ERGIC2: variants seen among roughly 807,000 people sequenced by gnomAD.
The protein encoded by ERGIC2 is ERGIC and golgi 2.
In ERGIC2, 31 loss-of-function variants were observed where a neutral mutation model predicts 52.5. The observed-to-expected ratio is 0.59, with a 90% CI of 0.44 to 0.80. The LOEUF is 0.80. ERGIC2 is among the 30% of genes least tolerant of loss of function. ERGIC2 has a pLI of 0.00. For missense variants in ERGIC2, 395 were observed against 455.2 expected (o/e 0.87, Z 1.20); for synonymous variants, 129 against 140.6 (o/e 0.92, Z 0.58).
intron 3 of ERGIC2, among the ~76,000 whole-genome samples, chr12:29,369,543 G>A (rs1039718416): frequency 6.6e-6 from 1 of 151,890 alleles, no homozygotes; most frequent in African/African-American, 2.4e-5. Context: ...GGCAAACCTG[G>A]ATTGTAATTG....
At chr12:29,361,855 A>T (rs545938996) in intron 5 of ERGIC2, among the ~76,000 whole-genome samples, 170 bp from the exon 6 acceptor site, 1 of 152,332 alleles carries the variant, frequency 6.6e-6, no homozygotes, top group African/African-American at 2.4e-5. Context: ...TTAATGTGCT[A>T]TCTTTACTGA....
At chr12:29,375,403 A>C (rs554940934) in intron 1 of ERGIC2, among the ~76,000 whole-genome samples, 2 of 152,302 alleles carry the variant, frequency 1.3e-5, no homozygotes, top group African/African-American at 4.8e-5. Context: ...TCCCAGAAAC[A>C]CCACAGTAGC....
At chr12:29,353,108 A>G (rs1165853473) in intron 8 of ERGIC2, among the ~76,000 whole-genome samples, 1 of 152,230 alleles carries the variant, frequency 6.6e-6, no homozygotes, top group Non-Finnish European at 1.5e-5. Flanking sequence ...TTACCTAGCA[A>G]AACACCAGGC....
chr12:29,343,250 A>G lies in ERGIC2; in HGVS notation c.858T>C (p.His286=), dbSNP rs1477871002. 2 of 1,605,874 alleles carry G rather than the reference A, an allele frequency of 1.2e-6. No homozygotes were observed. Among genetic ancestry groups the G allele is most frequent in the Admixed American group, 3.4e-5 (2 of 59,290 alleles). The change falls in exon 12 of 14, where the codon CAT becomes CAC. Residue 286 remains histidine (H), a synonymous_variant. Transcript: ENST00000360150. ...ERIINHAAGS[H]GVSGIFMKYD... is the part of the protein sequence containing the mutation. ...ATTTCATAAATATCCCAGAGACTCC[A>G]TGGCTGCCTGCAGCATGGTTAATGA...
intron 8 of ERGIC2, among the ~76,000 whole-genome samples, chr12:29,355,464 A>T (rs1187792026): frequency 2.0e-5 from 3 of 152,212 alleles, no homozygotes; most frequent in Admixed American, 6.5e-5. Context: ...AATGTCTTGT[A>T]CAATAAAGAA....
At chr12:29,376,754 A>C (rs1940520673) in intron 1 of ERGIC2, among the ~76,000 whole-genome samples, 1 of 152,166 alleles carries the variant, frequency 6.6e-6, no homozygotes, top group Admixed American at 6.5e-5. Context: ...CAGTGTGGTA[A>C]GCCATTTTCA....
intron 1 of ERGIC2, among the ~76,000 whole-genome samples, chr12:29,374,856 T>A (rs1273665754): frequency 1.3e-5 from 2 of 152,186 alleles, no homozygotes; most frequent in Non-Finnish European, 2.9e-5. Flanking sequence ...ATTCTCTCTC[T>A]ATACTGTAAT....
intron 2 of ERGIC2, among the ~76,000 whole-genome samples, chr12:29,371,222 CAGAT>C (rs1395597505): frequency 2.0e-5 from 3 of 152,032 alleles, no homozygotes; most frequent in African/African-American, 7.2e-5. Flanking sequence ...GAAACTAAGA[CAGAT>C]AGATTTGAAT....
intron 8 of ERGIC2, among the ~76,000 whole-genome samples, chr12:29,350,515 T>C (rs1398310379): frequency 6.6e-6 from 1 of 152,092 alleles, no homozygotes; most frequent in Non-Finnish European, 1.5e-5. Context: ...TGATCTGTAA[T>C]GAAATTTTAA....
intron 10 of ERGIC2, among the ~76,000 whole-genome samples, chr12:29,346,209 G>A (rs1057241944): frequency 1.4e-5 from 2 of 144,478 alleles, no homozygotes; most frequent in African/African-American, 5.3e-5. Context: ...TTTTTTTTGA[G>A]ATAGGGTCTC....
Position 29,341,181 on chromosome 12 carries a change from G to GGTAA in ERGIC2, c.1105_1108dup (p.Pro370LeufsTer7), listed in dbSNP as rs1332859528. On this transcript the variant is annotated frameshift_variant, in exon 14 of 14. Transcript: ENST00000360150. LOFTEE classifies it high-confidence loss of function. ...TTAATGTGTATTATTTTCTAAAAGA[G>GGTAA]GTAAGTGGTTGTCTGTGTGGCCATC... 1 of 1,610,064 alleles carries GGTAA rather than the reference G, an allele frequency of 6.2e-7. No individual in the cohort carries two copies. The highest frequency in any genetic ancestry group is 1.3e-5 in the African/African-American group (1 of 74,710).
intron 9 of ERGIC2, among the ~76,000 whole-genome samples, chr12:29,349,806 C>T (rs1940106869): frequency 6.6e-6 from 1 of 152,004 alleles, no homozygotes; most frequent in African/African-American, 2.4e-5. Flanking sequence ...ATAGAAAGTA[C>T]ACTAGGCTTT....
rs1949836060 is a variant in ERGIC2 at position 29,341,050 on chromosome 12, T to C, written c.*106A>G. ...TCTTTTTTAAAATAAGTATGTTTTC[T>C]GCTTATTTGTGTTTTCTTTTCTTTG... On this transcript the variant is annotated 3_prime_UTR_variant, in exon 14 of 14. Transcript: ENST00000360150. 2.5e-6 allele frequency: 2 copies of C among 810,334 alleles called. No homozygotes were observed. The highest frequency in any genetic ancestry group is 2.5e-4 in the Middle Eastern group (1 of 3,968). The allele number at this position is 810,334 out of a possible 1,614,324, so 50.2% of individuals were successfully genotyped here.
At chr12:29,379,126 T>C (rs1940553153) in intron 1 of ERGIC2, among the ~76,000 whole-genome samples, 1 of 152,156 alleles carries the variant, frequency 6.6e-6, no homozygotes, top group Non-Finnish European at 1.5e-5. Context: ...AAGTGCCTAG[T>C]AGCAATGTGA....
intron 6 of ERGIC2, 72 bp from the exon 7 acceptor site, chr12:29,357,796 A>G: frequency 1.2e-6 from 1 of 838,348 alleles, no homozygotes; most frequent in Non-Finnish European, 2.0e-6. Flanking sequence ...CAAAAATGAC[A>G]ATGTTTAGCT....
intron 6 of ERGIC2, 50 bp from the exon 7 acceptor site, chr12:29,357,774 C>G: frequency 1.0e-6 from 1 of 984,558 alleles, no homozygotes; most frequent in South Asian, 1.4e-5. Flanking sequence ...ACAAAGAGAG[C>G]TGACACTTAT....
rs1225073861 is a variant in ERGIC2 at position 29,338,682 on chromosome 12, G to A, written c.*2474C>T. On this transcript the variant is annotated 3_prime_UTR_variant, in exon 14 of 14. Coordinates refer to ENST00000360150, the MANE Select transcript of ERGIC2 (RefSeq NM_016570.3). ...GAGAAAGGGAATTTTGCAATACTAA[G>A]TTAAGCTTTTCCTAAGAGGTAGTCT... The A allele has an allele frequency of 6.6e-6, 1 of 151,980 alleles. No homozygotes were observed. Among genetic ancestry groups the A allele is most frequent in the African/African-American group, 2.4e-5 (1 of 41,364 alleles). The allele number at this position is 151,980 out of a possible 1,614,324, so 9.4% of individuals were successfully genotyped here.
intron 1 of ERGIC2, among the ~76,000 whole-genome samples, chr12:29,376,850 C>T (rs1055199824): frequency 3.9e-5 from 6 of 152,088 alleles, no homozygotes; most frequent in Admixed American, 1.3e-4. Flanking sequence ...TCATGGACAA[C>T]GTAGAAAAGA....
chr12:29,358,971 GA>G (rs1475743436), intron 6 of ERGIC2, among the ~76,000 whole-genome samples: 1 of 152,200 alleles, frequency 6.6e-6, no homozygotes, highest in East Asian at 1.9e-4. Context: ...TCCAGGGTTT[GA>G]AATTTACAGT....
Sources: allele counts gnomAD v4.1 joint callset (sites outside exome capture counted in the v4.1 genomes callset), GRCh38; gene constraint gnomAD v4.1.1; transcripts MANE v1.5; gene names NCBI Gene and HGNC (gene_info 2026-07-23, HGNC 2026-07-21).